Variants in CDKL1 observed in about 807,000 individuals in gnomAD.
CDKL1 encodes the protein cyclin-dependent kinase-like 1.
A neutral mutation model predicts 42.0 loss-of-function variants in CDKL1; 41 were observed. The ratio of observed to expected loss-of-function variants is 0.98; its 90% CI spans 0.76 to 1.27. The LOEUF (loss-of-function observed/expected upper bound fraction) is 1.27. Ranked by LOEUF, CDKL1 falls within the 50% of genes most tolerant of loss-of-function variation. The pLI is 0.00. For missense variants in CDKL1, 394 were observed against 428.4 expected (o/e 0.92, Z 0.71); for synonymous variants, 153 against 158.6 (o/e 0.96, Z 0.26).
intron 2 of CDKL1, chr14:50,362,890 C>T (rs745313525): frequency 2.1e-5 from 9 of 426,520 alleles, no homozygotes; most frequent in East Asian, 1.5e-4. Flanking sequence ...GGCAACCTAC[C>T]CTGGGCACCA....
rs1245432462 is a variant in CDKL1, at chr14:50,329,155, A to G, written c.*919T>C. 6.6e-6 allele frequency: 1 copy of G among 151,964 alleles called. No individual in the cohort carries two copies. Among genetic ancestry groups the G allele is most frequent in the Non-Finnish European group, 1.5e-5 (1 of 67,982 alleles). 9.4% of individuals were successfully genotyped at this position (151,964 alleles called of 1,614,324 possible). On this transcript the variant is annotated 3_prime_UTR_variant, in exon 10 of 10. Transcript: ENST00000395834. ...CATAATGTCTTTCATGACTCAAGTA[A>G]AAGCTCACAAGTAATTTCTTCTGAA... is the stretch of plus-strand genomic sequence containing the variant.
At chr14:50,386,181 C>T (rs1268688551) in intron 2 of CDKL1, among the ~76,000 whole-genome samples, 1 of 152,102 alleles carries the variant, frequency 6.6e-6, no homozygotes, top group Non-Finnish European at 1.5e-5. Flanking sequence ...CATGTAATCC[C>T]AGGGCTTTGG....
chr14:50,359,015 A>G lies in CDKL1; in HGVS notation c.290+13T>C, dbSNP rs754157801. ...TGTGTCTTTGTTTTGCTTGTAAGGG[A>G]TGGATCACTCACCCTCTTTGGTATC... On this transcript the variant is annotated intron_variant, in intron 3 of 9. Transcript: ENST00000395834. 3.1e-6 allele frequency: 5 copies of G among 1,607,328 alleles called. No individual in the cohort carries two copies. The highest frequency in any genetic ancestry group is 3.4e-6 in the Non-Finnish European group (4 of 1,176,144).
intron 2 of CDKL1, among the ~76,000 whole-genome samples, chr14:50,384,679 TTTC>T (rs1177120348): frequency 1.6e-5 from 2 of 127,464 alleles, no homozygotes; most frequent in Non-Finnish European, 3.3e-5. Flanking sequence ...GAAGAAAATC[TTTC>T]TTTTTTTTTT....
In CDKL1 at chr14:50,358,636, CTTTTTTTT is replaced by C. The variant is rs71118873; in HGVS notation, c.290+384_290+391del. 2.2e-4 allele frequency among the ~76,000 whole-genome samples: 15 copies of C among 67,664 alleles called. 1 individual carries two copies. Among genetic ancestry groups the C allele is most frequent in the African/African-American group, 7.5e-4 (13 of 17,412 alleles). 44.4% of individuals were successfully genotyped at this position (67,664 alleles called of 152,430 possible). On this transcript the variant is annotated intron_variant, in intron 3 of 9. Coordinates refer to ENST00000395834, the MANE Select transcript of CDKL1 (RefSeq NM_004196.7). ...CAAACACTGGCTGTTTTTAACTAGT[CTTTTTTTT>C]TTTTTTTTTTTTTGAGACAGAGTCT... is the stretch of plus-strand genomic sequence containing the variant.
At chr14:50,342,910 T>C (rs1293137271) in intron 4 of CDKL1, 7 of 1,339,774 alleles carry the variant, frequency 5.2e-6, no homozygotes, top group Non-Finnish European at 6.9e-6. Flanking sequence ...CCTCACCCTC[T>C]GGGGAGAGTC....
Position 50,395,724 on chromosome 14 carries a change from G to A in CDKL1, c.145C>T (p.Leu49Phe). The change falls in exon 2 of 10, where the codon CTT (leucine) becomes TTT (phenylalanine). Residue 49 changes from leucine to phenylalanine, a missense_variant. Leu to Phe is a conservative substitution (Grantham distance 22). Coordinates refer to ENST00000395834, the MANE Select transcript of CDKL1 (RefSeq NM_004196.7). ...ACCTTGAGCATTCGGATTTCCCGAA[G>A]GGCAATTTTCTTTATGACAGGGTCA... ...EDDPVIKKIA[L>F]REIRMLKQLK... is the part of the protein sequence containing the mutation. 2 of 1,612,214 alleles carry A rather than the reference G, an allele frequency of 1.2e-6. No individual in the cohort carries two copies. Among genetic ancestry groups the A allele is most frequent in the South Asian group, 2.2e-5 (2 of 90,938 alleles).
intron 3 of CDKL1, among the ~76,000 whole-genome samples, chr14:50,357,635 G>A (rs1237443074): frequency 6.6e-6 from 1 of 152,112 alleles, no homozygotes; most frequent in Non-Finnish European, 1.5e-5. Context: ...TATCTCCCAG[G>A]ACCTGCTAAT....
Position 50,328,894 on chromosome 14 carries a change from A to T in CDKL1, c.*1180T>A, listed in dbSNP as rs918516817. On this transcript the variant is annotated 3_prime_UTR_variant, in exon 10 of 10. Coordinates refer to ENST00000395834, the MANE Select transcript of CDKL1 (RefSeq NM_004196.7). The stretch of plus-strand genomic sequence containing the variant: ...GCAGTCCCAGCTACTTGGGAGGCTG[A>T]GGTGGCAGGTTTTATATATATATAT... 6.8e-6 allele frequency: 1 copy of T among 146,348 alleles called. No homozygotes were observed. 9.1% of individuals were successfully genotyped at this position (146,348 alleles called of 1,614,324 possible).
At chr14:50,340,752 T>C (rs2033485159) in intron 6 of CDKL1, among the ~76,000 whole-genome samples, 1 of 152,256 alleles carries the variant, frequency 6.6e-6, no homozygotes, top group African/African-American at 2.4e-5. Flanking sequence ...TGAGTTTTTA[T>C]TGTTGTTATT....
chr14:50,334,597 T>C lies in CDKL1; in HGVS notation c.763A>G (p.Asn255Asp), dbSNP rs2033151408. 6.2e-7 allele frequency: 1 copy of C among 1,604,818 alleles called. No homozygotes were observed. The highest frequency in any genetic ancestry group is 8.5e-7 in the Non-Finnish European group (1 of 1,171,700). ...AGCCCCAGGGCAGGATAAGAGATGTTTGGGAATTTTAATTCAAGTGGTTCC... is the reference window on the plus strand; with the variant it reads ...AGCCCCAGGGCAGGATAAGAGATGTCTGGGAATTTTAATTCAAGTGGTTCC... ...DMEPLELKFP[N>D]ISYPALGLLK... The change falls in exon 8 of 10, where the codon AAC (asparagine) becomes GAC (aspartate). Residue 255 changes from asparagine to aspartate, a missense_variant. Transcript: ENST00000395834.
chr14:50,350,084 T>A (rs936231872), intron 3 of CDKL1, among the ~76,000 whole-genome samples: 1 of 152,022 alleles, frequency 6.6e-6, no homozygotes, highest in Non-Finnish European at 1.5e-5. Context: ...TGGCCAATAC[T>A]TTTTTTGCAG....
chr14:50,338,475 T>G (rs769556509), intron 7 of CDKL1, among the ~76,000 whole-genome samples: 24 of 152,182 alleles, frequency 1.6e-4, no homozygotes, highest in Non-Finnish European at 3.4e-4. Flanking sequence ...TGAGGTCTCC[T>G]GCCCATCTCG....
At chr14:50,339,094 C>T in intron 6 of CDKL1, 65 bp from the exon 7 acceptor site, 1 of 1,079,138 alleles carries the variant, frequency 9.3e-7, no homozygotes, top group Admixed American at 1.7e-5. Flanking sequence ...TGGTTTTCTT[C>T]CATCAATGCT....
At chr14:50,388,152 G>A (rs1050801865) in intron 2 of CDKL1, among the ~76,000 whole-genome samples, 2 of 152,130 alleles carry the variant, frequency 1.3e-5, no homozygotes, top group African/African-American at 2.4e-5. Flanking sequence ...GCCTTCCAAA[G>A]TGCTGGGATC....
chr14:50,387,260 G>A (rs999444300), intron 2 of CDKL1, among the ~76,000 whole-genome samples: 7 of 150,746 alleles, frequency 4.6e-5, no homozygotes, highest in Admixed American at 1.3e-4. Context: ...GGTGACTCAT[G>A]CCTGTAATCC....
chr14:50,337,836 A>G (rs1184633393), intron 7 of CDKL1, among the ~76,000 whole-genome samples: 1 of 151,596 alleles, frequency 6.6e-6, no homozygotes, highest in Non-Finnish European at 1.5e-5. Context: ...GCGTGCCACC[A>G]TGCTAGGCCA....
At position 50,395,936 on chromosome 14, in the gene CDKL1, G is replaced by A; in HGVS notation, c.-68C>T. 1 of 1,467,980 alleles carries A rather than the reference G, an allele frequency of 6.8e-7. No homozygotes were observed. 90.9% of individuals were successfully genotyped at this position (1,467,980 alleles called of 1,614,324 possible). ...ATGGTGGCTCACGCCTGTAATCCCA[G>A]CACTTTGGGAGGCTGAGGCGGGCAG... On this transcript the variant is annotated 5_prime_UTR_variant, in exon 2 of 10. Transcript: ENST00000395834.
rs1365527477 is a variant in CDKL1, at chr14:50,327,490, G to C, written c.*2584C>G. 4.6e-5 allele frequency: 5 copies of C among 108,928 alleles called. No homozygotes were observed. The highest frequency in any genetic ancestry group is 1.1e-4 in the African/African-American group (3 of 27,962). The allele number at this position is 108,928 out of a possible 1,614,324, so 6.7% of individuals were successfully genotyped here. On this transcript the variant is annotated 3_prime_UTR_variant, in exon 10 of 10. Coordinates refer to ENST00000395834, the MANE Select transcript of CDKL1 (RefSeq NM_004196.7). ...TTTTTTTTTTTTTTTTTTTGAGACAGACTCTCACTCTGTTGCCCAGGTTGG... is the reference window on the plus strand; with the variant it reads ...TTTTTTTTTTTTTTTTTTTGAGACACACTCTCACTCTGTTGCCCAGGTTGG...
Sources: allele counts gnomAD v4.1 joint callset (sites outside exome capture counted in the v4.1 genomes callset), GRCh38; gene constraint gnomAD v4.1.1; transcripts MANE v1.5; gene names NCBI Gene and HGNC (gene_info 2026-07-23, HGNC 2026-07-21).